Variants in CACNA1A observed in about 807,000 individuals in gnomAD.
CACNA1A encodes the protein calcium voltage-gated channel subunit alpha1 A.
CACNA1A carries 57 observed loss-of-function variants against 262.4 expected under a neutral mutation model. That is an observed-to-expected ratio of 0.22 (90% CI 0.18 to 0.27). The LOEUF is 0.27. CACNA1A is among the 10% of genes least tolerant of loss of function. The pLI, the probability that CACNA1A is intolerant of heterozygous loss-of-function variation, is 1.00. For missense variants in CACNA1A, 2,526 were observed against 3,562.8 expected, an observed-to-expected ratio of 0.71 and a Z score of 7.41; for synonymous variants, 1,431 against 1,419.3, an observed-to-expected ratio of 1.01 and a Z score of -0.18.
chr19:13,297,499 C>T (rs1442550035), intron 19 of CACNA1A, among the ~76,000 whole-genome samples: 2 of 152,090 alleles, frequency 1.3e-5, no homozygotes, highest in African/African-American at 4.8e-5. Context: ...CAGAGCCAGG[C>T]CTCATTTCTA....
intron 3 of CACNA1A, among the ~76,000 whole-genome samples, chr19:13,424,606 G>T (rs1445297996): frequency 6.7e-6 from 1 of 149,960 alleles, no homozygotes; most frequent in African/African-American, 2.5e-5. Flanking sequence ...GCTAGGACTA[G>T]AGGTATGCCT....
rs539795158 is a variant in CACNA1A, at chr19:13,405,124, G to A, written c.540-33345C>T. On this transcript the variant is annotated intron_variant, in intron 3 of 46. Transcript: ENST00000360228. ...TTGGCCAGGCTGGTCTCAAACTCCT[G>A]ACCTCAAGTGATCTGCCCGCCTTGG... Among the ~76,000 whole-genome samples, 4 of 152,094 alleles carry A rather than the reference G, an allele frequency of 2.6e-5. No individual in the cohort carries two copies. The South Asian group carries it at 8.3e-4, about 32-fold the overall frequency.
At position 13,247,568 on chromosome 19, in the gene CACNA1A, T is replaced by C. The variant is rs538431128; in HGVS notation, c.4867-2303A>G. Reference sequence around the variant, plus strand: ...CACAAAAATCAGGCAGGCGTGGTGGTGCGCGCCTGTAGTCCCAGCTACTCC... The same window carrying C: ...CACAAAAATCAGGCAGGCGTGGTGGCGCGCGCCTGTAGTCCCAGCTACTCC... On this transcript the variant is annotated intron_variant, in intron 30 of 46. Transcript: ENST00000360228. Among the ~76,000 whole-genome samples, 399 of 151,946 alleles carry C rather than the reference T, an allele frequency of 2.6e-3. 1 individual carries two copies. The highest frequency in any genetic ancestry group is 9.0e-3 in the African/African-American group (374 of 41,418).
At chr19:13,490,588 C>T (rs565922538) in intron 1 of CACNA1A, among the ~76,000 whole-genome samples, 28 of 142,112 alleles carry the variant, frequency 2.0e-4, no homozygotes, top group Non-Finnish European at 3.3e-4. Context: ...GGCAACAGAG[C>T]GAGACTCCAT....
At chr19:13,289,140 C>CTTT (rs36024401) in intron 19 of CACNA1A, among the ~76,000 whole-genome samples, 26 of 122,198 alleles carry the variant, frequency 2.1e-4, no homozygotes, top group African/African-American at 4.3e-4. Flanking sequence ...TCGGCAATGT[C>CTTT]TTTTTTTTTT....
At chr19:13,306,059 C>CAAA (rs34439709) in intron 15 of CACNA1A, among the ~76,000 whole-genome samples, 12,128 of 139,630 alleles carry the variant, frequency 0.087, 634 homozygotes, top group South Asian at 0.17. Flanking sequence ...GACTCCATCT[C>CAAA]AAAAAAAAAA....
At chr19:13,416,372 G>T (rs28609165) in intron 3 of CACNA1A, among the ~76,000 whole-genome samples, 36 of 152,258 alleles carry the variant, frequency 2.4e-4, no homozygotes, top group African/African-American at 8.2e-4. Context: ...CAAAGTGTTG[G>T]GATTACAGGC....
chr19:13,402,871 CACATATATATATATATATATAT>C (rs1467515418), intron 3 of CACNA1A, among the ~76,000 whole-genome samples: 6 of 64,212 alleles, frequency 9.3e-5, no homozygotes, highest in African/African-American at 5.3e-4. Context: ...CACACACACA[CACATATATATATATATATATAT>C]ATATATATAT....
chr19:13,284,990 G>T, intron 21 of CACNA1A, 78 bp downstream of exon 21: 2 of 1,439,840 alleles, frequency 1.4e-6, no homozygotes, highest in African/African-American at 1.4e-5. Context: ...CTCACTCATT[G>T]CCCTCTATCT....
chr19:13,322,614 A>T (rs10416174), intron 10 of CACNA1A, among the ~76,000 whole-genome samples: 1 of 150,634 alleles, frequency 6.6e-6, no homozygotes, highest in African/African-American at 2.4e-5. Flanking sequence ...TTTTTCTTGT[A>T]AGATGGAGTC....
intron 10 of CACNA1A, among the ~76,000 whole-genome samples, chr19:13,325,182 T>C (rs62109074): frequency 2.4e-4 from 29 of 122,752 alleles, no homozygotes; most frequent in Non-Finnish European, 2.6e-4. Context: ...TTTCCTCCTC[T>C]TCTTCTTCTT....
At chr19:13,334,309 T>C in intron 8 of CACNA1A, 69 bp downstream of exon 8, 2 of 883,188 alleles carry the variant, frequency 2.3e-6, no homozygotes, top group Admixed American at 1.7e-5. Flanking sequence ...TTCTCCAAAC[T>C]GCATGACTCT....
At chr19:13,294,409 C>T (rs1339815598) in intron 19 of CACNA1A, among the ~76,000 whole-genome samples, 4 of 151,090 alleles carry the variant, frequency 2.6e-5, no homozygotes, top group South Asian at 4.2e-4. Context: ...AGGCTGGTCT[C>T]GAACTCCTGG....
At position 13,485,074 on chromosome 19, in the gene CACNA1A, G is replaced by A. The variant is rs761502360; in HGVS notation, c.293+20858C>T. Among the ~76,000 whole-genome samples the A allele has an allele frequency of 1.4e-4, 22 of 152,152 alleles. No homozygotes were observed. The South Asian group carries it at 1.7e-3, about 11-fold the overall frequency. On this transcript the variant is annotated intron_variant, in intron 1 of 46. Coordinates refer to ENST00000360228, the MANE Select transcript of CACNA1A (RefSeq NM_001127222.2). ...AAATATTTGTGGCTTCAAAGGTTGA[G>A]TATAAAAACAGACCAGATGAAAGAA...
intron 1 of CACNA1A, among the ~76,000 whole-genome samples, chr19:13,469,021 C>T (rs1317656866): frequency 1.3e-5 from 2 of 152,072 alleles, no homozygotes; most frequent in African/African-American, 2.4e-5. Context: ...GGAAAAGGTG[C>T]CCCCAAGAAG....
chr19:13,330,255 A>G lies in CACNA1A; in HGVS notation c.1334T>C (p.Ile445Thr), dbSNP rs1453419350. The G allele has an allele frequency of 1.3e-6, 2 of 1,556,470 alleles. No individual in the cohort carries two copies. The highest frequency in any genetic ancestry group is 1.7e-6 in the Non-Finnish European group (2 of 1,148,834). ...AGGAAGGGACTCACCCACAGAGGCT[A>G]TATCAGCCAGCTGATCCTCAGCCTC... ...PEEAEDQLAD[I>T]ASVGSPFARA... Residue 445 changes from isoleucine to threonine, a missense_variant, in exon 10 of 47, where the codon ATA becomes ACA. By Grantham distance (89) the Ile-to-Thr change is moderately conservative. Transcript: ENST00000360228.
intron 22 of CACNA1A, 66 bp from the exon 23 acceptor site, chr19:13,277,194 T>A: frequency 8.8e-7 from 1 of 1,136,568 alleles, no homozygotes; most frequent in Non-Finnish European, 1.3e-6. Context: ...CCGGTAAAAC[T>A]AACGATCGCC....
At chr19:13,356,603 A>C (rs552191139) in intron 6 of CACNA1A, among the ~76,000 whole-genome samples, 2 of 152,236 alleles carry the variant, frequency 1.3e-5, no homozygotes, top group East Asian at 3.9e-4. Flanking sequence ...CAGCATCTTA[A>C]TCTGAACCCC....
intron 31 of CACNA1A, among the ~76,000 whole-genome samples, chr19:13,240,346 C>T (rs1028308113): frequency 6.6e-6 from 1 of 151,150 alleles, no homozygotes; most frequent in Non-Finnish European, 1.5e-5. Context: ...ACTGTGTGTG[C>T]ATGCATAGTG....
Sources: allele counts gnomAD v4.1 joint callset (sites outside exome capture counted in the v4.1 genomes callset), GRCh38; gene constraint gnomAD v4.1.1; transcripts MANE v1.5; gene names NCBI Gene and HGNC (gene_info 2026-07-23, HGNC 2026-07-21).